Variants in POLR1A observed in about 807,000 individuals in gnomAD.
The protein encoded by POLR1A is DNA-directed RNA polymerase I subunit RPA1.
Under a neutral mutation model 205.3 loss-of-function variants are expected in POLR1A, and 84 were observed. The observed-to-expected ratio is 0.41, with a 90% CI of 0.34 to 0.49. The LOEUF (loss-of-function observed/expected upper bound fraction) is 0.49. Ranked by LOEUF, POLR1A falls within the 20% of genes least tolerant of loss-of-function variation. POLR1A has a pLI of 0.22. For synonymous variants in POLR1A, 799 were observed against 863.7 expected (o/e 0.93, Z 1.31); for missense variants, 1,645 against 2,204.5 (o/e 0.75, Z 5.08).
intron 11 of POLR1A, among the ~76,000 whole-genome samples, chr2:86,076,214 C>A (rs535240874): frequency 7.5e-4 from 114 of 152,238 alleles, no homozygotes; most frequent in Admixed American, 1.4e-3. Context: ...ACAAATACAC[C>A]AGAGGCTCTG....
At chr2:86,105,359 T>A (rs536417537) in intron 1 of POLR1A, among the ~76,000 whole-genome samples, 12 of 152,284 alleles carry the variant, frequency 7.9e-5, no homozygotes, top group African/African-American at 2.4e-4. Flanking sequence ...GGAAACTTAC[T>A]ACGTGCCTAA....
chr2:86,033,762 TG>T lies in POLR1A; in HGVS notation c.4059del (p.Ile1354SerfsTer14). On this transcript the variant is annotated frameshift_variant, in exon 28 of 34. Coordinates refer to ENST00000263857, the MANE Select transcript of POLR1A (RefSeq NM_015425.6). LOFTEE classifies it high-confidence loss of function. ...GATGCTTTATTATTCTTCTTTTTGA[TG>T]GATTCCATCAGAAGTTTAAAGAATC... ...ETRFFKLLME[S>X]IKKKNNKASA... 6.2e-7 allele frequency: 1 copy of T among 1,614,130 alleles called. No individual in the cohort carries two copies. The highest frequency in any genetic ancestry group is 8.5e-7 in the Non-Finnish European group (1 of 1,180,028).
rs765057605 is a variant in POLR1A at position 86,048,969 on chromosome 2, T to C, written c.2549A>G (p.His850Arg). ...DEVRGKWQDA[H>R]LGKDQRDFNM... ...AAAATCCCTCTGGTCCTTGCCCAGA[T>C]GGGCATCCTGCCATTTTCCTCGGAC... Residue 850 changes from histidine to arginine, a missense_variant, in exon 18 of 34, where the codon CAT becomes CGT. Physicochemically the swap from His to Arg is conservative, Grantham distance 29 (BLOSUM62 0). Around this residue, in one of 16 missense-constraint regions of POLR1A, gnomAD observed 339 missense variants for 415.1 expected, o/e 0.82. Transcript: ENST00000263857. The C allele has an allele frequency of 6.2e-7, 1 of 1,614,048 alleles. No homozygotes were observed. The highest frequency in any genetic ancestry group is 1.1e-5 in the South Asian group (1 of 91,074).
At chr2:86,036,246 G>A (rs551035258) in intron 27 of POLR1A, among the ~76,000 whole-genome samples, 1 of 152,284 alleles carries the variant, frequency 6.6e-6, no homozygotes, top group East Asian at 1.9e-4. Context: ...GCTGGGGACC[G>A]GAGGCCAAAA....
intron 3 of POLR1A, among the ~76,000 whole-genome samples, chr2:86,094,096 C>T (rs1673658735): frequency 6.6e-6 from 1 of 152,188 alleles, no homozygotes; most frequent in African/African-American, 2.4e-5. Flanking sequence ...GTATGCTTCA[C>T]TTTGATCACT....
chr2:86,061,175 G>A (rs1672988103), intron 14 of POLR1A, among the ~76,000 whole-genome samples: 1 of 152,176 alleles, frequency 6.6e-6, no homozygotes, highest in African/African-American at 2.4e-5. Context: ...AGCTGGGCGA[G>A]GTGGCTCATG....
At position 86,068,393 on chromosome 2, in the gene POLR1A, G is replaced by GGGGC. The variant is rs1553436064; in HGVS notation, c.1866+1624_1866+1625insGCCC. Among the ~76,000 whole-genome samples the GGGGC allele has an allele frequency of 3.3e-4, 38 of 115,676 alleles. 9 individuals are homozygous for GGGGC. Among genetic ancestry groups the GGGGC allele is most frequent in the Non-Finnish European group, 1.1e-4 (6 of 54,086 alleles). The allele number at this position is 115,676 out of a possible 152,430, so 75.9% of individuals were successfully genotyped here. A position where few individuals can be genotyped will look rare whatever the true frequency, so the allele number is the denominator to read the frequency against. On this transcript the variant is annotated intron_variant, in intron 13 of 33. Transcript: ENST00000263857. ...CACAGCCAAGCACATGGGCGGGGGGGGGGGGCGGGTGTCGTCCAAAGCTGC... is the reference window on the plus strand; with the variant it reads ...CACAGCCAAGCACATGGGCGGGGGGGGGGCGGGGGCGGGTGTCGTCCAAAGCTGC...
At chr2:86,037,825 G>C (rs191212458) in intron 27 of POLR1A, among the ~76,000 whole-genome samples, 7 of 152,366 alleles carry the variant, frequency 4.6e-5, no homozygotes, top group Non-Finnish European at 7.3e-5. Flanking sequence ...GGGGTGGGAA[G>C]CTTGTTTTCT....
At chr2:86,035,511 G>A (rs1487818370) in intron 27 of POLR1A, among the ~76,000 whole-genome samples, 1 of 152,194 alleles carries the variant, frequency 6.6e-6, no homozygotes, top group African/African-American at 2.4e-5. Flanking sequence ...GAGGCGGAGT[G>A]GGGGTGCGGG....
chr2:86,049,039 C>A lies in POLR1A; in HGVS notation c.2479G>T (p.Val827Phe), dbSNP rs377178125. Residue 827 changes from valine to phenylalanine, a missense_variant, in exon 18 of 34, where the codon GTC becomes TTC. Transcript: ENST00000263857. ...TCTGGCAGGTTTAATGCAGCCCTGA[C>A]AGCCTAGAATGAGAACAGAAACACA... ...EESTHCGPQA[V>F]RAALNLPEAA... is the part of the protein sequence containing the mutation. 1 of 1,614,198 alleles carries A rather than the reference C, an allele frequency of 6.2e-7. No homozygotes were observed. Among genetic ancestry groups the A allele is most frequent in the Non-Finnish European group, 8.5e-7 (1 of 1,180,018 alleles).
intron 28 of POLR1A, 151 bp from the exon 29 acceptor site, chr2:86,032,533 C>G: frequency 1.5e-6 from 1 of 649,566 alleles, no homozygotes; most frequent in Non-Finnish European, 2.8e-6. Flanking sequence ...CCACTGCCAC[C>G]CAACCCAACC....
At chr2:86,105,101 A>C (rs1168692620) in intron 1 of POLR1A, among the ~76,000 whole-genome samples, 2 of 152,236 alleles carry the variant, frequency 1.3e-5, no homozygotes, top group African/African-American at 4.8e-5. Flanking sequence ...TTATAGATCG[A>C]TAGAGGAAGA....
At position 86,033,857 on chromosome 2, in the gene POLR1A, A is replaced by G. The variant is rs568733266; in HGVS notation, c.4035-70T>C. 3 of 1,569,472 alleles carry G rather than the reference A, an allele frequency of 1.9e-6. No homozygotes were observed. The South Asian group carries it at 3.5e-5, about 18-fold the overall frequency. ...GTCCAGCCCTACCCTCATTTGGGGG[A>G]TAGGACGCTGAGGGATTCCCACAGG... On this transcript the variant is annotated intron_variant, in intron 27 of 33. Transcript: ENST00000263857.
rs776192958 is a variant in POLR1A at position 86,080,872 on chromosome 2, A to G, written c.1030T>C (p.Leu344=). The change falls in exon 9 of 34, where the codon TTG becomes CTG. Residue 344 remains leucine, a synonymous_variant. Coordinates refer to ENST00000263857, the MANE Select transcript of POLR1A (RefSeq NM_015425.6). ...GGCAACTTCTGTTCTTGGGCCATCAATGCCAGAAGTTTTCGAATCAGAACT... is the reference window on the plus strand; with the variant it reads ...GGCAACTTCTGTTCTTGGGCCATCAGTGCCAGAAGTTTTCGAATCAGAACT... ...DVVLIRKLLA[L]MAQEQKLPEE... 5 of 1,614,124 alleles carry G rather than the reference A, an allele frequency of 3.1e-6. No individual in the cohort carries two copies. The highest frequency in any genetic ancestry group is 1.7e-5 in the Admixed American group (1 of 60,018).
At position 86,077,921 on chromosome 2, in the gene POLR1A, C is replaced by G; in HGVS notation, c.1318G>C (p.Ala440Pro). The change falls in exon 11 of 34, where the codon GCT (alanine) becomes CCT (proline). Residue 440 changes from alanine to proline, a missense_variant. Coordinates refer to ENST00000263857, the MANE Select transcript of POLR1A (RefSeq NM_015425.6). ...KHMMGKRVDY[A>P]ARSVICPDMY... is the part of the protein sequence containing the mutation. ...TCTGGGCAGATGACTGAGCGCGCAG[C>G]GTAGTCCACTCGCTTTCCCATCATG... 1 of 1,613,810 alleles carries G rather than the reference C, an allele frequency of 6.2e-7. No individual in the cohort carries two copies. The highest frequency in any genetic ancestry group is 8.5e-7 in the Non-Finnish European group (1 of 1,179,942).
Position 86,100,088 on chromosome 2 carries a change from A to G in POLR1A, c.162T>C (p.Ala54=), listed in dbSNP as rs1052077365. 6.2e-7 allele frequency: 1 copy of G among 1,614,210 alleles called. No individual in the cohort carries two copies. The highest frequency in any genetic ancestry group is 8.5e-7 in the Non-Finnish European group (1 of 1,180,028). Residue 54 remains alanine, a synonymous_variant, in exon 2 of 34, where the codon GCT becomes GCC. Transcript: ENST00000263857. ...CCTCTTTGGAATCTGCAGGGCCCAA[A>G]GCTAAATCGTACAGGCCGTTTGCCG... is the stretch of plus-strand genomic sequence containing the variant. The part of the protein sequence containing the change: ...NPSANGLYDL[A]LGPADSKEVC...
At position 86,080,867 on chromosome 2, in the gene POLR1A, C is replaced by T; in HGVS notation, c.1035G>A (p.Met345Ile). 1 of 1,614,080 alleles carries T rather than the reference C, an allele frequency of 6.2e-7. No homozygotes were observed. The highest frequency in any genetic ancestry group is 8.5e-7 in the Non-Finnish European group (1 of 1,179,980). ...VVLIRKLLAL[M>I]AQEQKLPEEV... ...CCTCTGGCAACTTCTGTTCTTGGGC[C>T]ATCAATGCCAGAAGTTTTCGAATCA... The change falls in exon 9 of 34, where the codon ATG becomes ATA. Residue 345 changes from methionine (M) to isoleucine (I), a missense_variant. By Grantham distance (10) the Met-to-Ile change is conservative. This residue lies in a region of POLR1A where 78 missense variants were observed against 77.7 expected (regional missense o/e 1.00). Transcript: ENST00000263857.
At chr2:86,097,873 T>C (rs919175069) in intron 3 of POLR1A, among the ~76,000 whole-genome samples, 2 of 152,186 alleles carry the variant, frequency 1.3e-5, no homozygotes, top group African/African-American at 4.8e-5. Flanking sequence ...TTCAAACAGC[T>C]AGAAGGAGAA....
At chr2:86,038,615 G>C (rs1184054647) in intron 27 of POLR1A, 85 bp downstream of exon 27, 4 of 1,350,938 alleles carry the variant, frequency 3.0e-6, no homozygotes, top group African/African-American at 1.4e-5. Flanking sequence ...CAATCTCTAG[G>C]AGCCTTGTGG....
Sources: allele counts gnomAD v4.1 joint callset (sites outside exome capture counted in the v4.1 genomes callset), GRCh38; gene constraint gnomAD v4.1.1; regional missense constraint gnomAD v4.1.1; transcripts MANE v1.5; gene names NCBI Gene and HGNC (gene_info 2026-07-23, HGNC 2026-07-21).